The following LNX1 variants were observed in gnomAD, a reference collection of about 807,000 sequenced individuals.
LNX1 encodes ligand of numb-protein X 1.
In LNX1, 54 loss-of-function variants were observed where a neutral mutation model predicts 68.4. That is an observed-to-expected ratio of 0.79 (90% CI 0.63 to 0.99). The LOEUF is 0.99. LNX1 is among the 50% of genes least tolerant of loss of function. The pLI is 0.00. For missense variants in LNX1, 906 were observed against 926.4 expected (o/e 0.98, Z 0.29); for synonymous variants, 336 against 350.0 (o/e 0.96, Z 0.45).
intron 2 of LNX1, among the ~76,000 whole-genome samples, chr4:53,529,994 A>G (rs1472477129): frequency 6.6e-6 from 1 of 152,242 alleles, no homozygotes; most frequent in Non-Finnish European, 1.5e-5. Flanking sequence ...CAATATGGAA[A>G]AAAAACTTTC....
rs1489055662 is a variant in LNX1 at position 53,461,022 on chromosome 4, G to T, written c.2072C>A (p.Ala691Asp). 6.3e-7 allele frequency: 1 copy of T among 1,577,692 alleles called. No homozygotes were observed. The highest frequency in any genetic ancestry group is 8.6e-7 in the Non-Finnish European group (1 of 1,167,064). The part of the protein sequence containing the change: ...GRIRCGDILL[A>D]VNGRSTSGMI... ...TCCTGATGTACTTCTACCATTGACA[G>T]CAAGAAGAATATCACCACATCTAAA... The change falls in exon 11 of 11, where the codon GCT becomes GAT. Residue 691 changes from alanine to aspartate, a missense_variant. Transcript: ENST00000263925.
In LNX1 at chr4:53,469,104, A is replaced by G. The variant is rs568697767; in HGVS notation, c.1893-7511T>C. Among the ~76,000 whole-genome samples, 4 of 152,344 alleles carry G rather than the reference A, an allele frequency of 2.6e-5. No individual in the cohort carries two copies. In the South Asian group the frequency reaches 8.3e-4, roughly 32 times the overall value. On this transcript the variant is annotated intron_variant, in intron 9 of 10. Transcript: ENST00000263925. ...CATAGTTGGAAGTAAAGCACTCCTC[A>G]GCAAATGTAAAAGAACAGAAATTAT... is the stretch of plus-strand genomic sequence containing the variant.
chr4:53,615,207 CGTT>C (rs1350250768), intron 2 of LNX1, among the ~76,000 whole-genome samples: 2 of 152,126 alleles, frequency 1.3e-5, no homozygotes, highest in Admixed American at 1.3e-4. Flanking sequence ...AGCAAGAAGT[CGTT>C]GTTGTAAGCC....
At chr4:53,565,396 C>T (rs1200105274) in intron 2 of LNX1, among the ~76,000 whole-genome samples, 3 of 151,850 alleles carry the variant, frequency 2.0e-5, no homozygotes, top group Admixed American at 1.3e-4. Flanking sequence ...ACACTGACAC[C>T]TCACACTGCA....
chr4:53,636,259 G>A (rs182042689), intron 1 of LNX1, among the ~76,000 whole-genome samples: 1 of 140,172 alleles, frequency 7.1e-6, no homozygotes, highest in Admixed American at 8.0e-5. Context: ...TGCTTGCCTC[G>A]GTCGAGCAAA....
intron 2 of LNX1, chr4:53,549,516 T>C (rs962342589): frequency 3.7e-5 from 4 of 107,870 alleles, no homozygotes; most frequent in African/African-American, 1.2e-4. Flanking sequence ...AGATTGTATT[T>C]AGCTCATGAT....
At chr4:53,474,583 G>A (rs1440579713) in intron 9 of LNX1, among the ~76,000 whole-genome samples, 1 of 152,114 alleles carries the variant, frequency 6.6e-6, no homozygotes, top group Non-Finnish European at 1.5e-5. Context: ...CTTACTTTTT[G>A]TTCTCTTTAC....
intron 1 of LNX1, among the ~76,000 whole-genome samples, chr4:53,583,801 C>T (rs558391690): frequency 1.3e-5 from 2 of 152,278 alleles, no homozygotes; most frequent in South Asian, 4.1e-4. Flanking sequence ...AGTGTTCCTT[C>T]TCTTGACGAG....
Position 53,459,590 on chromosome 4 carries a change from A to AAAAG in LNX1, c.*1313_*1316dup. On this transcript the variant is annotated 3_prime_UTR_variant, in exon 11 of 11. Coordinates refer to ENST00000263925, the MANE Select transcript of LNX1 (RefSeq NM_001126328.3). ...GAAAAGTTAACTTTTTTTCCAAAAT[A>AAAAG]AAAGAGTGAATTTTTCATGTTAAGT... 9 of 1,199,974 alleles carry AAAAG rather than the reference A, an allele frequency of 7.5e-6. No individual in the cohort carries two copies. The highest frequency in any genetic ancestry group is 1.1e-5 in the Non-Finnish European group (9 of 837,690). 74.3% of individuals were successfully genotyped at this position (1,199,974 alleles called of 1,614,324 possible).
At chr4:53,598,649 A>C (rs1732863204) in intron 2 of LNX1, among the ~76,000 whole-genome samples, 1 of 152,224 alleles carries the variant, frequency 6.6e-6, no homozygotes, top group Non-Finnish European at 1.5e-5. Context: ...GGCCTTTGAT[A>C]AATATTAGTT....
chr4:53,561,741 G>A (rs1286128742), intron 2 of LNX1, among the ~76,000 whole-genome samples: 3 of 152,096 alleles, frequency 2.0e-5, no homozygotes, highest in African/African-American at 4.8e-5. Context: ...ATTACATCAC[G>A]TTTTCATTCA....
In LNX1 at chr4:53,508,229, T is replaced by A; in HGVS notation, c.381-2A>T. 6.2e-7 allele frequency: 1 copy of A among 1,611,846 alleles called. No individual in the cohort carries two copies. The highest frequency in any genetic ancestry group is 1.7e-4 in the Middle Eastern group (1 of 6,014). ...CCGTAGTGGGAGGCACCTTTACAGC[T>A]GTAACAGAACCAGCGGGGAGGTGAA... On this transcript the variant is annotated splice_acceptor_variant, in intron 2 of 10. Transcript: ENST00000263925. LOFTEE classifies it high-confidence loss of function.
At chr4:53,572,259 ACCCACTCCTC>A (rs1731213985) in intron 2 of LNX1, among the ~76,000 whole-genome samples, 1 of 152,022 alleles carries the variant, frequency 6.6e-6, no homozygotes, top group Non-Finnish European at 1.5e-5. Context: ...AGACTACCCT[ACCCACTCCTC>A]CTTTAACCAC....
At chr4:53,542,534 C>T (rs1380580388) in intron 2 of LNX1, among the ~76,000 whole-genome samples, 3 of 152,130 alleles carry the variant, frequency 2.0e-5, no homozygotes, top group African/African-American at 7.2e-5. Context: ...GACTGATGAC[C>T]TAGGAGCAAG....
intron 2 of LNX1, among the ~76,000 whole-genome samples, chr4:53,518,315 C>T (rs1726946522): frequency 6.6e-6 from 1 of 152,198 alleles, no homozygotes. Context: ...ATGAGACACA[C>T]TGGCTAGTCT....
chr4:53,606,171 T>C (rs1733224362), intron 2 of LNX1, among the ~76,000 whole-genome samples: 1 of 151,664 alleles, frequency 6.6e-6, no homozygotes, highest in African/African-American at 2.4e-5. Context: ...TTTTGAAAGA[T>C]AGATAGACCA....
At chr4:53,485,269 G>A (rs149621132) in intron 6 of LNX1, among the ~76,000 whole-genome samples, 5 of 152,276 alleles carry the variant, frequency 3.3e-5, no homozygotes, top group East Asian at 1.9e-4. Flanking sequence ...GGGAAACTCC[G>A]ATGTTTTGAA....
chr4:53,487,941 GC>G (rs1398384602), intron 6 of LNX1, among the ~76,000 whole-genome samples: 1 of 152,122 alleles, frequency 6.6e-6, no homozygotes. Context: ...GTCTGTGGTT[GC>G]CCCATTTTAG....
At chr4:53,528,568 T>C (rs1292373114) in intron 2 of LNX1, among the ~76,000 whole-genome samples, 2 of 152,206 alleles carry the variant, frequency 1.3e-5, no homozygotes, top group African/African-American at 4.8e-5. Context: ...AATTTATTAA[T>C]TTAGCTTTAT....
Sources: gnomAD v4.1 joint callset for allele counts (sites outside exome capture counted in the v4.1 genomes callset) on GRCh38, gnomAD v4.1.1 for gene constraint, MANE v1.5 for transcripts, NCBI Gene and HGNC (gene_info 2026-07-23, HGNC 2026-07-21) for gene names.